Variants in AFG2A observed in about 807,000 individuals in gnomAD.
The protein encoded by AFG2A is ATPase family gene 2 protein homolog A.
At chr4:123,123,278 T>C in the AFG2A span, among the ~76,000 whole-genome samples, 2 of 152,174 alleles carry the variant, frequency 1.3e-5, no homozygotes, top group Non-Finnish European at 2.9e-5. Flanking sequence ...TAATATCATA[T>C]AATGTTTTTC....
At chr4:123,167,647 A>G in the AFG2A span, among the ~76,000 whole-genome samples, 2 of 152,106 alleles carry the variant, frequency 1.3e-5, no homozygotes, top group African/African-American at 2.4e-5. Context: ...GTGCCCGGCC[A>G]CAGCTGTGTT....
At chr4:123,129,082 T>G in the AFG2A span, among the ~76,000 whole-genome samples, 2 of 152,344 alleles carry the variant, frequency 1.3e-5, no homozygotes, top group Admixed American at 1.3e-4. Flanking sequence ...TAGACCTGTT[T>G]TCATAAATCT....
At chr4:123,100,863 CTAAG>C in the AFG2A span, among the ~76,000 whole-genome samples, 1 of 151,918 alleles carries the variant, frequency 6.6e-6, no homozygotes, top group East Asian at 1.9e-4. Flanking sequence ...ATTAGCTCCT[CTAAG>C]TTTCTCCTAC....
the AFG2A span, among the ~76,000 whole-genome samples, chr4:123,017,361 T>C: frequency 7.1e-6 from 1 of 140,784 alleles, no homozygotes. Context: ...TTTGACTTCT[T>C]TTTTTTTTTT....
the AFG2A span, among the ~76,000 whole-genome samples, chr4:123,224,966 G>A: frequency 2.0e-5 from 3 of 152,208 alleles, no homozygotes; most frequent in Non-Finnish European, 4.4e-5. Context: ...GGCCAGTGAT[G>A]ATGACCATTT....
the AFG2A span, among the ~76,000 whole-genome samples, chr4:123,305,247 A>G: frequency 1.3e-5 from 2 of 152,086 alleles, no homozygotes; most frequent in African/African-American, 2.4e-5. Flanking sequence ...GGATATCGAT[A>G]ATCTCTGAGA....
chr4:123,065,307 G>C, the AFG2A span, among the ~76,000 whole-genome samples: 1 of 152,096 alleles, frequency 6.6e-6, no homozygotes, highest in Non-Finnish European at 1.5e-5. Flanking sequence ...TTCTCCAATA[G>C]GCTTTGCGTT....
At chr4:123,119,628 AG>A in the AFG2A span, among the ~76,000 whole-genome samples, 9 of 152,186 alleles carry the variant, frequency 5.9e-5, no homozygotes, top group Admixed American at 2.6e-4. Context: ...TTGATTGGCT[AG>A]ATGTGCTGCA....
the AFG2A span, among the ~76,000 whole-genome samples, chr4:123,227,237 T>C: frequency 6.6e-6 from 1 of 152,072 alleles, no homozygotes; most frequent in Non-Finnish European, 1.5e-5. Flanking sequence ...CTTAGTTATT[T>C]CTTGCCTTCT....
At chr4:123,158,158 C>G in the AFG2A span, among the ~76,000 whole-genome samples, 1 of 152,164 alleles carries the variant, frequency 6.6e-6, no homozygotes, top group Non-Finnish European at 1.5e-5. Context: ...AAATCACTGA[C>G]AATACCAATC....
chr4:123,281,620 T>C, the AFG2A span, among the ~76,000 whole-genome samples: 2 of 152,174 alleles, frequency 1.3e-5, no homozygotes, highest in East Asian at 3.9e-4. Context: ...CTACCTTTGA[T>C]GTTCTTTAAA....
the AFG2A span, among the ~76,000 whole-genome samples, chr4:123,030,301 A>G: frequency 3.6e-3 from 550 of 152,314 alleles, 4 homozygotes; most frequent in African/African-American, 0.013. Flanking sequence ...AGATACTACT[A>G]AGACTGCTTT....
chr4:122,948,487 A>T, the AFG2A span, among the ~76,000 whole-genome samples: 1 of 151,672 alleles, frequency 6.6e-6, no homozygotes, highest in Admixed American at 6.6e-5. Context: ...ATATTTATTG[A>T]TATATTGTGC....
chr4:122,957,788 C>T, the AFG2A span, among the ~76,000 whole-genome samples: 1 of 152,116 alleles, frequency 6.6e-6, no homozygotes, highest in African/African-American at 2.4e-5. Flanking sequence ...CAAGCAGTCA[C>T]AATCATTACA....
chr4:123,288,299 A>G, the AFG2A span, among the ~76,000 whole-genome samples: 1,055 of 152,296 alleles, frequency 6.9e-3, 17 homozygotes, highest in African/African-American at 0.024. Context: ...GATTACATCT[A>G]TAAGGTGAGA....
At chr4:123,129,817 A>G in the AFG2A span, among the ~76,000 whole-genome samples, 6 of 152,120 alleles carry the variant, frequency 3.9e-5, no homozygotes, top group Non-Finnish European at 8.8e-5. Flanking sequence ...TCAACCATCT[A>G]CTTACATGTC....
At chr4:123,028,775 A>G in the AFG2A span, among the ~76,000 whole-genome samples, 1 of 152,208 alleles carries the variant, frequency 6.6e-6, no homozygotes, top group African/African-American at 2.4e-5. Flanking sequence ...TAGAATTTTC[A>G]AATGAACAAG....
At chr4:123,169,285 A>G in the AFG2A span, among the ~76,000 whole-genome samples, 1 of 152,330 alleles carries the variant, frequency 6.6e-6, no homozygotes, top group East Asian at 1.9e-4. Context: ...TTAGTAAATT[A>G]TGTTCACATG....
the AFG2A span, among the ~76,000 whole-genome samples, chr4:123,311,516 A>G: frequency 8.4e-4 from 127 of 151,424 alleles, no homozygotes; most frequent in Non-Finnish European, 1.5e-3. Context: ...AGTCCCAGCT[A>G]CTCAGGAGGC....
Sources: gnomAD v4.1 joint callset for allele counts (sites outside exome capture counted in the v4.1 genomes callset) on GRCh38, gnomAD v4.1.1 for gene constraint, MANE v1.5 for transcripts, NCBI Gene and HGNC (gene_info 2026-07-23, HGNC 2026-07-21) for gene names.